Variants in F5 observed in about 807,000 individuals in gnomAD.
The protein encoded by F5 is activated protein c cofactor.
F5 carries 138 observed loss-of-function variants against 216.4 expected under a neutral mutation model. The observed-to-expected ratio is 0.64, with a 90% confidence interval of 0.56 to 0.73. F5 has a LOEUF of 0.73. Ranked by LOEUF, F5 falls within the 30% of genes least tolerant of loss-of-function variation. The pLI is 0.00. For synonymous variants in F5, 916 were observed against 930.7 expected (o/e 0.98, Z 0.29); for missense variants, 2,403 against 2,674.0 (o/e 0.90, Z 2.24).
chr1:169,539,664 G>C (rs1233974768), intron 13 of F5, among the ~76,000 whole-genome samples: 1 of 152,140 alleles, frequency 6.6e-6, no homozygotes, highest in Non-Finnish European at 1.5e-5. Flanking sequence ...TTTAGTAAAA[G>C]CTGTGGGCAT....
At chr1:169,555,559 G>T (rs991174781) in intron 6 of F5, among the ~76,000 whole-genome samples, 2 of 148,612 alleles carry the variant, frequency 1.3e-5, no homozygotes, top group Non-Finnish European at 3.0e-5. Context: ...AGGAGGAGGG[G>T]TTAGGGAAAA....
At chr1:169,523,103 G>C in intron 21 of F5, 94 bp downstream of exon 21, 1 of 1,397,236 alleles carries the variant, frequency 7.2e-7, no homozygotes, top group Non-Finnish European at 1.0e-6. Flanking sequence ...ACCCAGAAAG[G>C]TATTTTTTAA....
rs188534160 is a variant in F5 at position 169,513,212 on chromosome 1, A to C, written c.*1101T>G. Reference sequence around the variant, plus strand: ...TATATGTACACGTTACAGGATGATTAAATCAAGCTAAGTAACAAATCCATA... The same window carrying C: ...TATATGTACACGTTACAGGATGATTCAATCAAGCTAAGTAACAAATCCATA... On this transcript the variant is annotated 3_prime_UTR_variant, in exon 25 of 25. Coordinates refer to ENST00000367797, the MANE Select transcript of F5 (RefSeq NM_000130.5). 5.7e-4 allele frequency among the ~76,000 whole-genome samples: 87 copies of C among 152,180 alleles called. No individual in the cohort carries two copies. The highest frequency in any genetic ancestry group is 1.9e-3 in the African/African-American group (78 of 41,530).
In F5 at chr1:169,540,726, G is replaced by A; in HGVS notation, c.4364C>T (p.Ser1455Leu). The A allele has an allele frequency of 5.0e-6, 8 of 1,614,072 alleles. No homozygotes were observed. The highest frequency in any genetic ancestry group is 6.8e-6 in the Non-Finnish European group (8 of 1,179,978). The change falls in exon 13 of 25, where the codon TCA (serine) becomes TTA (leucine). Residue 1455 changes from serine to leucine, a missense_variant. Ser to Leu is a moderately radical substitution (Grantham distance 145). Transcript: ENST00000367797. ...TATCTGATCAAGGTCTGGAGGAGGT[G>A]ATATCTGGCTGAGATCCGGGAGAAG... ...TTLLPDLSQI[S>L]PPPDLDQIFY...
At chr1:169,536,924 A>G (rs1207565227) in intron 13 of F5, among the ~76,000 whole-genome samples, 1 of 152,040 alleles carries the variant, frequency 6.6e-6, no homozygotes, top group African/African-American at 2.4e-5. Context: ...TCAAGTCTCT[A>G]TATCAATTTC....
intron 8 of F5, among the ~76,000 whole-genome samples, chr1:169,551,727 C>G (rs568983287): frequency 2.8e-4 from 43 of 152,272 alleles, no homozygotes; most frequent in African/African-American, 1.0e-3. Flanking sequence ...TTGTCAAAGC[C>G]TTTGGATCAT....
At position 169,582,338 on chromosome 1, in the gene F5, A is replaced by G. The variant is rs186115083; in HGVS notation, c.250+93T>C. The G allele has an allele frequency of 2.2e-5, 15 of 689,830 alleles. No homozygotes were observed. In the East Asian group the frequency reaches 4.3e-4, roughly 20 times the overall value. 42.7% of individuals were successfully genotyped at this position (689,830 alleles called of 1,614,324 possible). ...AAAAAAAAACCACACGTTTCTATAA[A>G]TTTTCAGTAAATGGATATTTTAGAT... On this transcript the variant is annotated intron_variant, in intron 2 of 24. Coordinates refer to ENST00000367797, the MANE Select transcript of F5 (RefSeq NM_000130.5).
At position 169,543,164 on chromosome 1, in the gene F5, C is replaced by T. The variant is rs773133028; in HGVS notation, c.1976-50G>A. The T allele has an allele frequency of 3.3e-6, 5 of 1,527,748 alleles. No individual in the cohort carries two copies. The East Asian group carries it at 9.0e-5, about 28-fold the overall frequency. 94.6% of individuals were successfully genotyped at this position (1,527,748 alleles called of 1,614,324 possible). Reference sequence around the variant, plus strand: ...AGAGATCTGGAAGTCTGGGAAAAGACATGAAAACACAATAATCCATTGTGG... The same window carrying T: ...AGAGATCTGGAAGTCTGGGAAAAGATATGAAAACACAATAATCCATTGTGG... On this transcript the variant is annotated intron_variant, in intron 12 of 24. Coordinates refer to ENST00000367797, the MANE Select transcript of F5 (RefSeq NM_000130.5).
chr1:169,541,276 C>G lies in F5; in HGVS notation c.3814G>C (p.Gly1272Arg). The G allele has an allele frequency of 6.5e-7, 1 of 1,535,146 alleles. No homozygotes were observed. Among genetic ancestry groups the G allele is most frequent in the Non-Finnish European group, 8.8e-7 (1 of 1,135,380 alleles). Residue 1272 changes from glycine (G) to arginine (R), a missense_variant, in exon 13 of 25, where the codon GGT becomes CGT. Coordinates refer to ENST00000367797, the MANE Select transcript of F5 (RefSeq NM_000130.5). ...AGGTCTGGAGAAAGGGGCATCTGAC[C>G]GAGGGCTGGAGAAAGGTTTGTCTGA... ...LSQTNLSPAL[G>R]QMPLSPDLSH...
rs3035292 is a variant in F5 at position 169,577,560 on chromosome 1, AATATATATATATATAT to A, written c.250+4855_250+4870del. On this transcript the variant is annotated intron_variant, in intron 2 of 24. Transcript: ENST00000367797. ...TGTACCACCATGTCTGGCTAATTTAAATATATATATATATATATATATATATATATATATATATATA... is the reference window on the plus strand; with the variant it reads ...TGTACCACCATGTCTGGCTAATTTAAATATATATATATATATATATATATA... Among the ~76,000 whole-genome samples, 110 of 54,470 alleles carry A rather than the reference AATATATATATATATAT, an allele frequency of 2.0e-3. 3 individuals are homozygous for A. The highest frequency in any genetic ancestry group is 7.5e-3 in the South Asian group (7 of 930). 35.7% of individuals were successfully genotyped at this position (54,470 alleles called of 152,430 possible). A position where few individuals can be genotyped will look rare whatever the true frequency, so the allele number is the denominator to read the frequency against.
At chr1:169,569,355 G>A (rs1660675767) in intron 3 of F5, among the ~76,000 whole-genome samples, 1 of 152,148 alleles carries the variant, frequency 6.6e-6, no homozygotes, top group East Asian at 1.9e-4. Context: ...ATATATTATA[G>A]AACTAATTTT....
At chr1:169,584,257 C>T (rs1385416671) in intron 1 of F5, among the ~76,000 whole-genome samples, 2 of 152,136 alleles carry the variant, frequency 1.3e-5, no homozygotes, top group African/African-American at 4.8e-5. Context: ...TTGATCTGAA[C>T]AATTTCTATT....
At chr1:169,531,311 T>C (rs979376739) in intron 14 of F5, among the ~76,000 whole-genome samples, 3 of 152,192 alleles carry the variant, frequency 2.0e-5, no homozygotes, top group African/African-American at 4.8e-5. Context: ...GATGTGAAGA[T>C]GAAAGAAGCT....
intron 2 of F5, among the ~76,000 whole-genome samples, chr1:169,578,706 T>C (rs1345118521): frequency 1.3e-5 from 2 of 152,208 alleles, no homozygotes; most frequent in African/African-American, 4.8e-5. Context: ...GCTGGAGCTA[T>C]GAAAATGAAT....
Position 169,514,209 on chromosome 1 carries a change from T to G in F5, c.*104A>C, listed in dbSNP as rs886045540. ...TTCACTAATAGAAAAGAAAGAGAAA[T>G]AGTGGAAAACTGTTAACATTTAACA... On this transcript the variant is annotated 3_prime_UTR_variant, in exon 25 of 25. Transcript: ENST00000367797. 8.4e-7 allele frequency: 1 copy of G among 1,197,432 alleles called. No individual in the cohort carries two copies. 74.2% of individuals were successfully genotyped at this position (1,197,432 alleles called of 1,614,324 possible). A position where few individuals can be genotyped will look rare whatever the true frequency, so the allele number is the denominator to read the frequency against.
At chr1:169,529,106 T>G (rs1392255729) in intron 16 of F5, among the ~76,000 whole-genome samples, 1 of 152,176 alleles carries the variant, frequency 6.6e-6, no homozygotes, top group Non-Finnish European at 1.5e-5. Flanking sequence ...ACTATTCTCC[T>G]ATTACCTGGG....
At chr1:169,553,388 C>A (rs766481706) in intron 7 of F5, among the ~76,000 whole-genome samples, 11 of 152,124 alleles carry the variant, frequency 7.2e-5, no homozygotes, top group Non-Finnish European at 1.6e-4. Flanking sequence ...AGCTCAACAT[C>A]AGTGTTCATG....
chr1:169,566,034 G>A lies in F5; in HGVS notation c.374-5268C>T, dbSNP rs148745560. On this transcript the variant is annotated intron_variant, in intron 3 of 24. Transcript: ENST00000367797. ...CACTAATAAGCAGGAAGCATTATCT[G>A]TGAAAGATTACAAAAGAGCTTTGGT... is the stretch of plus-strand genomic sequence containing the variant. Among the ~76,000 whole-genome samples the A allele has an allele frequency of 2.0e-5, 3 of 152,112 alleles. No individual in the cohort carries two copies. In the East Asian group the frequency reaches 5.8e-4, roughly 29 times the overall value.
At chr1:169,571,773 C>T (rs1424216554) in intron 3 of F5, among the ~76,000 whole-genome samples, 1 of 151,984 alleles carries the variant, frequency 6.6e-6, no homozygotes, top group Non-Finnish European at 1.5e-5. Context: ...GTAACCAAAG[C>T]CAAAAAAATA....
Sources: allele counts gnomAD v4.1 joint callset (sites outside exome capture counted in the v4.1 genomes callset), GRCh38; gene constraint gnomAD v4.1.1; transcripts MANE v1.5; gene names NCBI Gene and HGNC (gene_info 2026-07-23, HGNC 2026-07-21).